Variants in CCDC178 observed in about 807,000 individuals in gnomAD.
CCDC178 encodes the protein coiled-coil domain-containing protein 178.
Under a neutral mutation model 117.4 loss-of-function variants are expected in CCDC178, and 126 were observed. The ratio of observed to expected loss-of-function variants is 1.07; its 90% CI spans 0.93 to 1.24. The LOEUF (loss-of-function observed/expected upper bound fraction) is 1.24, where lower values mean the gene tolerates loss of function less well. CCDC178 is among the 50% of genes most tolerant of loss of function. The pLI is 0.00. For missense variants in CCDC178, 1,030 were observed against 986.9 expected (o/e 1.04, Z -0.59); for synonymous variants, 283 against 313.4 (o/e 0.90, Z 1.02).
chr18:32,940,663 T>C (rs1020151243), intron 22 of CCDC178, among the ~76,000 whole-genome samples: 12 of 152,024 alleles, frequency 7.9e-5, no homozygotes, highest in Non-Finnish European at 1.5e-4. Context: ...TTCCCGCTCC[T>C]CTCCCTTCTC....
intron 21 of CCDC178, among the ~76,000 whole-genome samples, chr18:33,010,432 AG>A (rs1371801895): frequency 2.0e-5 from 3 of 152,156 alleles, no homozygotes; most frequent in Non-Finnish European, 4.4e-5. Flanking sequence ...ATAAAATCAA[AG>A]GGTATTTCTT....
chr18:33,276,028 G>GTAAATAAATAAATAAATAAA (rs148486473), intron 12 of CCDC178, among the ~76,000 whole-genome samples: 3 of 146,754 alleles, frequency 2.0e-5, no homozygotes, highest in Admixed American at 1.4e-4. Flanking sequence ...AAGTAAGTGA[G>GTAAATAAATAAATAAATAAA]TAAATAAATA....
chr18:33,083,081 C>T lies in CCDC178; in HGVS notation c.2388+9680G>A, dbSNP rs75410990. 6.6e-5 allele frequency among the ~76,000 whole-genome samples: 10 copies of T among 152,224 alleles called. No homozygotes were observed. The East Asian group carries it at 9.6e-4, about 15-fold the overall frequency. ...ACTGAAATACATGTAGAACTTACTA[C>T]GTATCAAAGGCTGTTAGAAATCTTT... On this transcript the variant is annotated intron_variant, in intron 21 of 22. Transcript: ENST00000383096.
chr18:33,057,049 A>ATAAC (rs563107437), intron 21 of CCDC178, among the ~76,000 whole-genome samples: 1 of 152,020 alleles, frequency 6.6e-6, no homozygotes, highest in Admixed American at 6.6e-5. Context: ...AAACTTTACA[A>ATAAC]TAACTAACTA....
intron 8 of CCDC178, among the ~76,000 whole-genome samples, chr18:33,347,369 G>A (rs1199675156): frequency 2.0e-5 from 3 of 152,118 alleles, no homozygotes; most frequent in Admixed American, 6.6e-5. Context: ...GGTGATAAGC[G>A]CAAGCTCAGC....
At chr18:33,127,305 T>C (rs2058018983) in intron 20 of CCDC178, among the ~76,000 whole-genome samples, 1 of 152,134 alleles carries the variant, frequency 6.6e-6, no homozygotes. Context: ...TCTAAGCATA[T>C]CTAAGGATTC....
chr18:33,016,479 A>G (rs2055992680), intron 21 of CCDC178, among the ~76,000 whole-genome samples: 1 of 152,074 alleles, frequency 6.6e-6, no homozygotes, highest in African/African-American at 2.4e-5. Context: ...ATAGATATAA[A>G]TTGCCATAAA....
Position 32,945,280 on chromosome 18 carries a change from T to C in CCDC178, c.2524-7189A>G, listed in dbSNP as rs1366191562. Among the ~76,000 whole-genome samples the C allele has an allele frequency of 5.3e-5, 8 of 152,290 alleles. No individual in the cohort carries two copies. The East Asian group carries it at 1.5e-3, about 29-fold the overall frequency. ...ATTTAACAGTCACATTACTTAATAA[T>C]CTCACGTGAGTTTTCTGAAATACAC... On this transcript the variant is annotated intron_variant, in intron 22 of 22. Coordinates refer to ENST00000383096, the MANE Select transcript of CCDC178 (RefSeq NM_001105528.4).
At chr18:33,084,091 A>T (rs2057339977) in intron 21 of CCDC178, among the ~76,000 whole-genome samples, 1 of 151,938 alleles carries the variant, frequency 6.6e-6, no homozygotes, top group Non-Finnish European at 1.5e-5. Flanking sequence ...TTTTTTTTCT[A>T]GCCAGTCCTT....
At chr18:32,999,581 G>C (rs571713108) in intron 21 of CCDC178, among the ~76,000 whole-genome samples, 22 of 152,272 alleles carry the variant, frequency 1.4e-4, no homozygotes, top group Admixed American at 1.1e-3. Context: ...GGTCCCAGTG[G>C]TGGTGGCCAC....
chr18:33,152,811 AAAAAGAAGATAT>A (rs2058354934), intron 20 of CCDC178, among the ~76,000 whole-genome samples: 1 of 152,140 alleles, frequency 6.6e-6, no homozygotes, highest in African/African-American at 2.4e-5. Context: ...TCCAGGCAGA[AAAAAGAAGATAT>A]AGTTGGTTCC....
At chr18:33,143,895 G>A (rs759605424) in intron 20 of CCDC178, among the ~76,000 whole-genome samples, 23 of 151,948 alleles carry the variant, frequency 1.5e-4, no homozygotes, top group Non-Finnish European at 3.2e-4. Context: ...TCTTGTATTA[G>A]GGCTTAGTAG....
At chr18:33,084,621 G>T (rs2057348187) in intron 21 of CCDC178, among the ~76,000 whole-genome samples, 1 of 151,852 alleles carries the variant, frequency 6.6e-6, no homozygotes, top group South Asian at 2.1e-4. Flanking sequence ...GACCAGCCTG[G>T]CCAACATACT....
chr18:33,246,452 A>G (rs2059549554), intron 14 of CCDC178, among the ~76,000 whole-genome samples: 1 of 151,806 alleles, frequency 6.6e-6, no homozygotes, highest in African/African-American at 2.4e-5. Context: ...TTAACAGAAC[A>G]CAGAGAAGAT....
chr18:33,037,063 A>G (rs2056458082), intron 21 of CCDC178, among the ~76,000 whole-genome samples: 2 of 151,962 alleles, frequency 1.3e-5, no homozygotes, highest in Admixed American at 1.3e-4. Flanking sequence ...TTCAGGAACC[A>G]AGGCAATGTC....
At chr18:33,009,432 C>T (rs2055817789) in intron 21 of CCDC178, among the ~76,000 whole-genome samples, 1 of 152,070 alleles carries the variant, frequency 6.6e-6, no homozygotes, top group African/African-American at 2.4e-5. Flanking sequence ...TTTACACTGG[C>T]CCGGTGTTAC....
chr18:33,402,205 A>C (rs1244689780), intron 3 of CCDC178, among the ~76,000 whole-genome samples: 1 of 152,226 alleles, frequency 6.6e-6, no homozygotes, highest in Admixed American at 6.5e-5. Context: ...CCTTTGAAAA[A>C]TCTACCTCTC....
At chr18:33,349,500 C>T (rs966124848) in intron 7 of CCDC178, among the ~76,000 whole-genome samples, 5 of 152,024 alleles carry the variant, frequency 3.3e-5, no homozygotes, top group Non-Finnish European at 5.9e-5. Flanking sequence ...CAACACTAAA[C>T]TGTAGTGTCT....
rs550757573 is a variant in CCDC178 at position 33,032,430 on chromosome 18, G to A, written c.2389-57749C>T. Reference sequence around the variant, plus strand: ...CATATTCTGTTCACATTCAAAGTGAGTGAATTACACAGGATGGGTTCTCAA... The same window carrying A: ...CATATTCTGTTCACATTCAAAGTGAATGAATTACACAGGATGGGTTCTCAA... On this transcript the variant is annotated intron_variant, in intron 21 of 22. Transcript: ENST00000383096. Among the ~76,000 whole-genome samples the A allele has an allele frequency of 5.3e-5, 8 of 152,256 alleles. No individual in the cohort carries two copies. In the South Asian group the frequency reaches 1.4e-3, roughly 28 times the overall value.
Sources: gnomAD v4.1 joint callset for allele counts (sites outside exome capture counted in the v4.1 genomes callset) on GRCh38, gnomAD v4.1.1 for gene constraint, MANE v1.5 for transcripts, NCBI Gene and HGNC (gene_info 2026-07-23, HGNC 2026-07-21) for gene names.